The following GARRE1 variants were observed in gnomAD, a reference collection of about 807,000 sequenced individuals.
The protein encoded by GARRE1 is granule associated Rac and RHOG effector protein 1.
GARRE1 carries 49 observed loss-of-function variants against 103.2 expected under a neutral mutation model. That is an observed-to-expected ratio of 0.47 (90% CI 0.38 to 0.60). The LOEUF (loss-of-function observed/expected upper bound fraction) is 0.60, where lower values mean the gene tolerates loss of function less well. Among genes scored for constraint, GARRE1 ranks in the 20% least tolerant of loss-of-function variants. The pLI, the probability that GARRE1 is intolerant of heterozygous loss-of-function variation, is 0.00. For synonymous variants in GARRE1, 505 were observed against 532.8 expected, an observed-to-expected ratio of 0.95 and a Z score of 0.72; for missense variants, 1,199 against 1,370.5, an observed-to-expected ratio of 0.87 and a Z score of 1.98.
Position 34,320,055 on chromosome 19 carries a change from C to T in GARRE1, c.644C>T (p.Ser215Phe), listed in dbSNP as rs759221186. ...KKNSGSGGGL[S>F]GMGHTPEVEE... ...AACAGCGGCAGTGGCGGCGGCTTAT[C>T]TGGCATGGGCCACACACCTGAAGTA... The change falls in exon 3 of 14, where the codon TCT (serine) becomes TTT (phenylalanine). Residue 215 changes from serine to phenylalanine, a missense_variant. Physicochemically the swap from Ser to Phe is radical, Grantham distance 155. Coordinates refer to ENST00000299505, the MANE Select transcript of GARRE1 (RefSeq NM_014686.5). 1.2e-6 allele frequency: 2 copies of T among 1,614,244 alleles called. No homozygotes were observed. The highest frequency in any genetic ancestry group is 1.7e-6 in the Non-Finnish European group (2 of 1,180,046).
chr19:34,338,290 C>T (rs1418232634), intron 8 of GARRE1, among the ~76,000 whole-genome samples: 2 of 152,086 alleles, frequency 1.3e-5, no homozygotes, highest in Non-Finnish European at 2.9e-5. Flanking sequence ...AATCCTAGCA[C>T]TTTGGGAGGC....
chr19:34,353,502 C>A lies in GARRE1; in HGVS notation c.*547C>A, dbSNP rs372338416. ...TATTTTAAGATAACAGATATACTGG[C>A]TGGAGGTTTGTTTAACACTATCTAT... On this transcript the variant is annotated 3_prime_UTR_variant, in exon 14 of 14. Transcript: ENST00000299505. The A allele has an allele frequency of 6.5e-6, 1 of 153,690 alleles. No individual in the cohort carries two copies. Among genetic ancestry groups the A allele is most frequent in the Admixed American group, 6.5e-5 (1 of 15,332 alleles). The allele number at this position is 153,690 out of a possible 1,614,324, so 9.5% of individuals were successfully genotyped here. A position where few individuals can be genotyped will look rare whatever the true frequency, so the allele number is the denominator to read the frequency against.
intron 1 of GARRE1, among the ~76,000 whole-genome samples, chr19:34,273,583 T>C (rs2073800271): frequency 6.6e-6 from 1 of 152,182 alleles, no homozygotes; most frequent in African/African-American, 2.4e-5. Context: ...ATGTTTTGAA[T>C]GAGCTCAGGG....
intron 11 of GARRE1, 109 bp from the exon 12 acceptor site, chr19:34,348,907 A>G: frequency 8.0e-7 from 1 of 1,257,090 alleles, no homozygotes. Context: ...ACAAGAGACC[A>G]CTATTTGGTT....
intron 1 of GARRE1, among the ~76,000 whole-genome samples, chr19:34,277,844 T>C (rs1156583229): frequency 1.3e-5 from 2 of 151,200 alleles, no homozygotes; most frequent in Admixed American, 1.3e-4. Flanking sequence ...CTTTCCTAAA[T>C]GGAGTATTCA....
intron 2 of GARRE1, among the ~76,000 whole-genome samples, chr19:34,301,217 T>A (rs2073977065): frequency 6.6e-6 from 1 of 152,154 alleles, no homozygotes; most frequent in Admixed American, 6.5e-5. Context: ...GAAGATCGCT[T>A]GAGCTCAGGA....
intron 1 of GARRE1, among the ~76,000 whole-genome samples, chr19:34,298,935 A>G (rs2073962331): frequency 6.6e-6 from 1 of 152,162 alleles, no homozygotes; most frequent in African/African-American, 2.4e-5. Flanking sequence ...CTAAGAAGCC[A>G]CCCAAGGTGT....
intron 1 of GARRE1, among the ~76,000 whole-genome samples, chr19:34,257,544 A>T (rs182883732): frequency 6.6e-6 from 1 of 152,114 alleles, no homozygotes; most frequent in East Asian, 1.9e-4. Flanking sequence ...CTTAGTGAAA[A>T]ATGATGATCT....
Position 34,300,604 on chromosome 19 carries a change from C to T in GARRE1, c.131C>T (p.Pro44Leu), listed in dbSNP as rs920744745. The change falls in exon 2 of 14, where the codon CCC becomes CTC. Residue 44 changes from proline (P) to leucine (L), a missense_variant. Physicochemically the swap from Pro to Leu is moderately conservative, Grantham distance 98. Coordinates refer to ENST00000299505, the MANE Select transcript of GARRE1 (RefSeq NM_014686.5). Reference sequence around the variant, plus strand: ...GAGCTGGGCCGAGCACTGAGTGCTCCCCTGGCATCCACGGCCACCACTGCC... The same window carrying T: ...GAGCTGGGCCGAGCACTGAGTGCTCTCCTGGCATCCACGGCCACCACTGCC... ...MPELGRALSA[P>L]LASTATTAPL... 1 of 1,613,462 alleles carries T rather than the reference C, an allele frequency of 6.2e-7. No individual in the cohort carries two copies. Among genetic ancestry groups the T allele is most frequent in the Non-Finnish European group, 8.5e-7 (1 of 1,180,046 alleles).
intron 2 of GARRE1, among the ~76,000 whole-genome samples, chr19:34,303,756 C>T (rs1034315329): frequency 6.6e-6 from 1 of 151,998 alleles, no homozygotes; most frequent in Non-Finnish European, 1.5e-5. Context: ...GGTAGGATTA[C>T]AGGCGCCCAC....
chr19:34,260,174 C>T (rs1034915271), intron 1 of GARRE1, among the ~76,000 whole-genome samples: 4 of 152,244 alleles, frequency 2.6e-5, no homozygotes, highest in Admixed American at 1.3e-4. Context: ...CAGCCATCAA[C>T]ATCACGGCAA....
chr19:34,312,701 T>C (rs1029185828), intron 2 of GARRE1, among the ~76,000 whole-genome samples: 4 of 151,946 alleles, frequency 2.6e-5, no homozygotes, highest in Non-Finnish European at 5.9e-5. Context: ...CTGAGGTGGG[T>C]GGATCACCTG....
At chr19:34,337,257 T>C (rs571889273) in intron 8 of GARRE1, among the ~76,000 whole-genome samples, 7 of 152,228 alleles carry the variant, frequency 4.6e-5, no homozygotes, top group Admixed American at 4.6e-4. Context: ...ACACACAGGG[T>C]CCCTGCCCCT....
chr19:34,304,445 G>A, intron 2 of GARRE1, among the ~76,000 whole-genome samples: 1 of 140,048 alleles, frequency 7.1e-6, no homozygotes, highest in Non-Finnish European at 1.5e-5. Context: ...GCGTGGTCTT[G>A]GCTCACAGCA....
At chr19:34,337,642 A>C (rs2074167404) in intron 8 of GARRE1, among the ~76,000 whole-genome samples, 1 of 152,218 alleles carries the variant, frequency 6.6e-6, no homozygotes, top group Non-Finnish European at 1.5e-5. Flanking sequence ...TTATCTAAGA[A>C]CAGGTAGAGG....
chr19:34,340,105 G>A (rs1054893850), intron 9 of GARRE1, 113 bp downstream of exon 9: 88 of 1,098,506 alleles, frequency 8.0e-5, no homozygotes, highest in Non-Finnish European at 1.1e-4. Context: ...AGGCAGTAAG[G>A]ACTTTTTAGT....
At chr19:34,319,726 A>C (rs2074076320) in intron 2 of GARRE1, among the ~76,000 whole-genome samples, 181 bp from the exon 3 acceptor site, 1 of 152,172 alleles carries the variant, frequency 6.6e-6, no homozygotes, top group African/African-American at 2.4e-5. Flanking sequence ...GGCATCAGTC[A>C]CCGAGGTCCA....
At position 34,327,814 on chromosome 19, in the gene GARRE1, C is replaced by T; in HGVS notation, c.890C>T (p.Ala297Val). The T allele has an allele frequency of 6.2e-7, 1 of 1,614,162 alleles. No individual in the cohort carries two copies. The highest frequency in any genetic ancestry group is 8.5e-7 in the Non-Finnish European group (1 of 1,180,000). Residue 297 changes from alanine (A) to valine (V), a missense_variant, in exon 5 of 14, where the codon GCA becomes GTA. Physicochemically the swap from Ala to Val is moderately conservative, Grantham distance 64. Coordinates refer to ENST00000299505, the MANE Select transcript of GARRE1 (RefSeq NM_014686.5). Reference protein sequence around the residue: ...ALESLGHCEYAMKAGFHLNPK... With the variant: ...ALESLGHCEYVMKAGFHLNPK... ...GAAAGCTTAGGACACTGTGAATATG[C>T]AATGAAAGCCGGCTTCCACCTGAAT...
chr19:34,283,657 A>G (rs899154174), intron 1 of GARRE1, among the ~76,000 whole-genome samples: 3 of 152,080 alleles, frequency 2.0e-5, no homozygotes, highest in Admixed American at 6.6e-5. Context: ...ATCTCACCCT[A>G]TTAGTCAGAC....
Sources: gnomAD v4.1 joint callset for allele counts (sites outside exome capture counted in the v4.1 genomes callset) on GRCh38, gnomAD v4.1.1 for gene constraint, MANE v1.5 for transcripts, NCBI Gene and HGNC (gene_info 2026-07-23, HGNC 2026-07-21) for gene names.